PTPRG: variants seen among roughly 807,000 people sequenced by gnomAD.
PTPRG encodes protein tyrosine phosphatase receptor type G.
A neutral mutation model predicts 165.3 loss-of-function variants in PTPRG; 102 were observed. The observed-to-expected ratio is 0.62, with a 90% CI of 0.53 to 0.73. PTPRG has a LOEUF of 0.73. Among genes scored for constraint, PTPRG ranks in the 30% least tolerant of loss-of-function variants. The pLI is 0.00. For synonymous variants in PTPRG, 675 were observed against 669.5 expected (o/e 1.01, Z -0.13); for missense variants, 1,866 against 1,861.4 (o/e 1.00, Z -0.05).
intron 2 of PTPRG, among the ~76,000 whole-genome samples, chr3:61,878,968 G>A (rs1397896720): frequency 6.6e-6 from 1 of 152,096 alleles, no homozygotes; most frequent in African/African-American, 2.4e-5. Context: ...AGAATTCCTT[G>A]GTCTTTGTAA....
At chr3:61,801,735 G>A (rs764204824) in intron 2 of PTPRG, among the ~76,000 whole-genome samples, 4 of 152,118 alleles carry the variant, frequency 2.6e-5, no homozygotes, top group Non-Finnish European at 2.9e-5. Flanking sequence ...TCTGCATTAT[G>A]GTGGGCTGTT....
At chr3:62,023,957 G>A (rs1301732521) in intron 4 of PTPRG, among the ~76,000 whole-genome samples, 2 of 152,056 alleles carry the variant, frequency 1.3e-5, no homozygotes, top group East Asian at 3.9e-4. Flanking sequence ...GCTTATCTTA[G>A]GATGTATCCT....
intron 2 of PTPRG, among the ~76,000 whole-genome samples, chr3:61,975,667 T>C (rs1487807768): frequency 2.9e-5 from 1 of 33,996 alleles, no homozygotes; most frequent in South Asian, 9.2e-4. Context: ...AAGAATACTT[T>C]TTTTTTTTTA....
intron 1 of PTPRG, among the ~76,000 whole-genome samples, chr3:61,580,381 ATTT>A (rs36020375): frequency 1.5e-5 from 2 of 137,666 alleles, no homozygotes; most frequent in Admixed American, 7.4e-5. Flanking sequence ...CTCTATTCTG[ATTT>A]TTTTTTTTTT....
In PTPRG at chr3:61,748,919, C is replaced by T. The variant is rs1014864174; in HGVS notation, c.127C>T (p.His43Tyr). ...CGTTGGGGCCCTGCACGAGAATAGA[C>T]ACGGCAGCGCAGTGCAGATCCGCAG... ...GYVGALHENR[H>Y]GSAVQIRRRK... The change falls in exon 2 of 30, where the codon CAC becomes TAC. Residue 43 changes from histidine (H) to tyrosine (Y), a missense_variant. Physicochemically the swap from His to Tyr is moderately conservative, Grantham distance 83. Transcript: ENST00000474889. The T allele has an allele frequency of 6.2e-7, 1 of 1,613,014 alleles. No individual in the cohort carries two copies. Among genetic ancestry groups the T allele is most frequent in the Non-Finnish European group, 8.5e-7 (1 of 1,179,638 alleles).
chr3:61,825,882 C>G (rs935159459), intron 2 of PTPRG, among the ~76,000 whole-genome samples: 2 of 152,070 alleles, frequency 1.3e-5, no homozygotes, highest in Admixed American at 6.6e-5. Context: ...AACTTCTAGA[C>G]TCAAGTAATT....
At chr3:62,132,011 G>A (rs1576042070) in intron 5 of PTPRG, among the ~76,000 whole-genome samples, 2 of 152,308 alleles carry the variant, frequency 1.3e-5, no homozygotes, top group East Asian at 3.9e-4. Context: ...GAAGAAGACT[G>A]AAGAGGCTTG....
intron 4 of PTPRG, among the ~76,000 whole-genome samples, chr3:62,070,524 G>T (rs745878756): frequency 9.2e-5 from 14 of 152,200 alleles, no homozygotes; most frequent in Non-Finnish European, 1.5e-4. Flanking sequence ...TAGGGACACA[G>T]CCTTGCACTG....
rs750258658 is a variant in PTPRG, at chr3:62,231,324, C to T, written c.2375+13C>T. On this transcript the variant is annotated intron_variant, in intron 14 of 29. Coordinates refer to ENST00000474889, the MANE Select transcript of PTPRG (RefSeq NM_002841.4). Reference sequence around the variant, plus strand: ...AGAAGGGGAGCAGGTGAGGGGCGGTCAAGCTTAAGTGGGGGGCGTCTTGAT... The same window carrying T: ...AGAAGGGGAGCAGGTGAGGGGCGGTTAAGCTTAAGTGGGGGGCGTCTTGAT... The T allele has an allele frequency of 1.3e-6, 2 of 1,562,772 alleles. No homozygotes were observed. Among genetic ancestry groups the T allele is most frequent in the Non-Finnish European group, 1.7e-6 (2 of 1,156,226 alleles).
At chr3:61,696,254 C>T (rs2030583663) in intron 1 of PTPRG, among the ~76,000 whole-genome samples, 1 of 152,154 alleles carries the variant, frequency 6.6e-6, no homozygotes, top group South Asian at 2.1e-4. Flanking sequence ...ATAATCCTAG[C>T]ACTGTGAGTG....
At chr3:61,832,011 G>T (rs1010976330) in intron 2 of PTPRG, among the ~76,000 whole-genome samples, 4 of 152,110 alleles carry the variant, frequency 2.6e-5, no homozygotes, top group Admixed American at 2.0e-4. Flanking sequence ...GTTTCTAGAT[G>T]ATTTCATTTA....
At chr3:62,157,312 G>T (rs1704575662) in intron 7 of PTPRG, 88 bp downstream of exon 7, 2 of 1,373,034 alleles carry the variant, frequency 1.5e-6, no homozygotes, top group African/African-American at 2.9e-5. Flanking sequence ...TACCACTAAG[G>T]AATTTGTTCT....
intron 1 of PTPRG, among the ~76,000 whole-genome samples, chr3:61,577,051 T>C (rs770913326): frequency 1.1e-4 from 17 of 152,242 alleles, no homozygotes; most frequent in Admixed American, 4.6e-4. Context: ...GATTGACTTA[T>C]TGGATCTTTT....
intron 2 of PTPRG, among the ~76,000 whole-genome samples, chr3:61,828,348 G>A (rs1238502092): frequency 2.0e-5 from 3 of 152,172 alleles, no homozygotes; most frequent in Non-Finnish European, 2.9e-5. Flanking sequence ...TTCATACAGC[G>A]ACACATGTGT....
At chr3:61,621,192 T>A (rs1701449512) in intron 1 of PTPRG, among the ~76,000 whole-genome samples, 1 of 151,974 alleles carries the variant, frequency 6.6e-6, no homozygotes, top group South Asian at 2.1e-4. Flanking sequence ...AAATATTGTT[T>A]CCCACATCCC....
intron 2 of PTPRG, among the ~76,000 whole-genome samples, chr3:61,865,516 A>G (rs933189391): frequency 6.6e-6 from 1 of 152,202 alleles, no homozygotes; most frequent in African/African-American, 2.4e-5. Context: ...CCAACTGTGC[A>G]TCATTCCCTA....
intron 4 of PTPRG, among the ~76,000 whole-genome samples, chr3:62,064,721 ATTTTTTTTTTTT>A (rs35605831): frequency 4.6e-4 from 29 of 62,934 alleles, no homozygotes; most frequent in Admixed American, 2.3e-3. Flanking sequence ...GGTTATTTGG[ATTTTTTTTTTTT>A]TTTTTTTTTT....
intron 5 of PTPRG, among the ~76,000 whole-genome samples, chr3:62,111,813 A>T (rs77699380): frequency 6.6e-6 from 1 of 152,262 alleles, no homozygotes; most frequent in African/African-American, 2.4e-5. Flanking sequence ...TTAAATGTCA[A>T]TTGTCCCACA....
chr3:62,158,785 T>C (rs1385863010), intron 7 of PTPRG, among the ~76,000 whole-genome samples: 1 of 152,182 alleles, frequency 6.6e-6, no homozygotes. Context: ...TTTCAGATTT[T>C]TTTTTCCTTT....
Sources: allele counts gnomAD v4.1 joint callset (sites outside exome capture counted in the v4.1 genomes callset), GRCh38; gene constraint gnomAD v4.1.1; transcripts MANE v1.5; gene names NCBI Gene and HGNC (gene_info 2026-07-23, HGNC 2026-07-21).